PTPRG: variants seen among roughly 807,000 people sequenced by gnomAD.
PTPRG encodes receptor-type tyrosine-protein phosphatase gamma.
PTPRG carries 102 observed loss-of-function variants against 165.3 expected under a neutral mutation model. The observed-to-expected ratio is 0.62, with a 90% CI of 0.53 to 0.73. The LOEUF is 0.73. Among genes scored for constraint, PTPRG ranks in the 30% least tolerant of loss-of-function variants. The probability of loss-of-function intolerance (pLI) is 0.00; values close to 1 mark genes in which losing one functional copy is unlikely to be tolerated. For synonymous variants in PTPRG, 675 were observed against 669.5 expected (o/e 1.01, Z -0.13); for missense variants, 1,866 against 1,861.4 (o/e 1.00, Z -0.05).
At chr3:61,870,315 T>TTA (rs1435028391) in intron 2 of PTPRG, among the ~76,000 whole-genome samples, 2 of 145,460 alleles carry the variant, frequency 1.4e-5, no homozygotes, top group Non-Finnish European at 1.5e-5. Flanking sequence ...GGAAAAATTA[T>TTA]TCTTTTTTTT....
At chr3:61,964,962 G>C (rs779730217) in intron 2 of PTPRG, among the ~76,000 whole-genome samples, 1 of 152,136 alleles carries the variant, frequency 6.6e-6, no homozygotes, top group Non-Finnish European at 1.5e-5. Flanking sequence ...AGAATCCGGG[G>C]CCGGGTGCAG....
At chr3:61,951,286 A>G (rs2039894215) in intron 2 of PTPRG, among the ~76,000 whole-genome samples, 1 of 152,180 alleles carries the variant, frequency 6.6e-6, no homozygotes, top group African/African-American at 2.4e-5. Flanking sequence ...CTATTTAGAA[A>G]GTGTGATGTC....
At chr3:61,849,819 C>T (rs945096903) in intron 2 of PTPRG, among the ~76,000 whole-genome samples, 6 of 152,316 alleles carry the variant, frequency 3.9e-5, no homozygotes, top group South Asian at 2.1e-4. Context: ...TGGGAGCCAT[C>T]GTTCCATAAC....
At chr3:62,283,679 C>A (rs913386232) in intron 28 of PTPRG, among the ~76,000 whole-genome samples, 6 of 152,034 alleles carry the variant, frequency 3.9e-5, no homozygotes, top group Non-Finnish European at 8.8e-5. Flanking sequence ...ACTAGCTACC[C>A]AAGTAGCATA....
At chr3:62,025,629 T>C (rs1184311279) in intron 4 of PTPRG, among the ~76,000 whole-genome samples, 2 of 152,220 alleles carry the variant, frequency 1.3e-5, no homozygotes, top group African/African-American at 4.8e-5. Context: ...CCTCAATTTT[T>C]CAAATGTTTT....
chr3:61,631,056 A>G, intron 1 of PTPRG, among the ~76,000 whole-genome samples: 1 of 151,954 alleles, frequency 6.6e-6, no homozygotes, highest in East Asian at 1.9e-4. Flanking sequence ...ACGCTGTCTC[A>G]AAAAAAAGAA....
At chr3:61,568,496 T>G (rs1699978442) in intron 1 of PTPRG, among the ~76,000 whole-genome samples, 1 of 152,226 alleles carries the variant, frequency 6.6e-6, no homozygotes, top group Non-Finnish European at 1.5e-5. Flanking sequence ...TCACCTGGTA[T>G]CATTTGTGGC....
At chr3:61,807,379 T>G (rs2035448582) in intron 2 of PTPRG, among the ~76,000 whole-genome samples, 2 of 152,218 alleles carry the variant, frequency 1.3e-5, no homozygotes, top group South Asian at 4.1e-4. Flanking sequence ...GGTCTGTCTC[T>G]GGGCCAGCGT....
intron 4 of PTPRG, among the ~76,000 whole-genome samples, chr3:62,055,406 C>G (rs956931491): frequency 6.6e-6 from 1 of 152,190 alleles, no homozygotes. Flanking sequence ...GCTTGTAACA[C>G]GGACTAGTCA....
At chr3:61,769,758 A>T (rs774888523) in intron 2 of PTPRG, 1 of 152,200 alleles carries the variant, frequency 6.6e-6, no homozygotes, top group African/African-American at 2.4e-5. Context: ...CGTAGAGAGT[A>T]TGGGGAGAGA....
intron 2 of PTPRG, among the ~76,000 whole-genome samples, chr3:61,766,272 A>G (rs1271412610): frequency 2.6e-5 from 4 of 152,224 alleles, no homozygotes; most frequent in Admixed American, 2.0e-4. Flanking sequence ...GGAGAAGGTC[A>G]TGTGAAAACC....
At chr3:62,234,601 T>C (rs560874326) in intron 14 of PTPRG, among the ~76,000 whole-genome samples, 1 of 152,314 alleles carries the variant, frequency 6.6e-6, no homozygotes, top group African/African-American at 2.4e-5. Context: ...ACCATTTGTT[T>C]TTCTGTAAAC....
chr3:62,262,002 C>CT (rs1260680237), intron 16 of PTPRG: 1 of 152,162 alleles, frequency 6.6e-6, no homozygotes, highest in East Asian at 1.9e-4. Flanking sequence ...CTGTGTACTG[C>CT]TAATGACTTC....
chr3:62,132,102 C>G (rs367560236), intron 5 of PTPRG, among the ~76,000 whole-genome samples: 33 of 152,322 alleles, frequency 2.2e-4, no homozygotes, highest in African/African-American at 7.9e-4. Context: ...CCCTCCTCTT[C>G]TGCTTTCCAT....
intron 2 of PTPRG, among the ~76,000 whole-genome samples, chr3:61,818,881 G>A (rs1285508113): frequency 8.8e-6 from 1 of 113,030 alleles, no homozygotes; most frequent in African/African-American, 3.9e-5. Context: ...AGTGAATAGT[G>A]AAATAGTGAA....
intron 1 of PTPRG, among the ~76,000 whole-genome samples, chr3:61,665,224 T>C (rs1031494460): frequency 2.0e-5 from 3 of 152,110 alleles, no homozygotes; most frequent in Non-Finnish European, 2.9e-5. Context: ...AGATAAGAAA[T>C]GGGGAGCTAA....
intron 17 of PTPRG, chr3:62,263,140 G>A (rs999121496): frequency 7.6e-6 from 3 of 392,604 alleles, no homozygotes; most frequent in Admixed American, 9.0e-5. Context: ...TTGGAGCTTC[G>A]CTATTTTCAC....
chr3:61,720,387 G>A (rs1173512473), intron 1 of PTPRG, among the ~76,000 whole-genome samples: 1 of 152,200 alleles, frequency 6.6e-6, no homozygotes. Context: ...GCCTCCCAAA[G>A]TGTGGGGATT....
chr3:62,035,086 G>T (rs1699899255), intron 4 of PTPRG, among the ~76,000 whole-genome samples: 2 of 152,044 alleles, frequency 1.3e-5, no homozygotes, highest in Admixed American at 1.3e-4. Flanking sequence ...CTAGATCAGG[G>T]AATGGCAAAA....
Sources: gnomAD v4.1 joint callset for allele counts (sites outside exome capture counted in the v4.1 genomes callset) on GRCh38, gnomAD v4.1.1 for gene constraint, MANE v1.5 for transcripts, NCBI Gene and HGNC (gene_info 2026-07-23, HGNC 2026-07-21) for gene names.